EEFSEC: variants seen among roughly 807,000 people sequenced by gnomAD.
EEFSEC encodes selenocysteine-specific elongation factor.
A neutral mutation model predicts 42.1 loss-of-function variants in EEFSEC; 43 were observed. The ratio of observed to expected loss-of-function variants is 1.02; its 90% confidence interval spans 0.80 to 1.32. The LOEUF (loss-of-function observed/expected upper bound fraction) is 1.32, where lower values mean the gene tolerates loss of function less well. Among genes scored for constraint, EEFSEC ranks in the 40% most tolerant of loss-of-function variants. The pLI, the probability that EEFSEC is intolerant of heterozygous loss-of-function variation, is 0.00. For synonymous variants in EEFSEC, 354 were observed against 339.1 expected, an observed-to-expected ratio of 1.04 and a Z score of -0.48; for missense variants, 745 against 803.6, an observed-to-expected ratio of 0.93 and a Z score of 0.88.
intron 1 of EEFSEC, among the ~76,000 whole-genome samples, chr3:128,172,969 G>A (rs2065314171): frequency 6.6e-6 from 1 of 152,222 alleles, no homozygotes; most frequent in South Asian, 2.1e-4. Context: ...CTATAAGATA[G>A]ATGCCACATA....
At chr3:128,353,909 C>T (rs1482192617) in intron 5 of EEFSEC, among the ~76,000 whole-genome samples, 3 of 152,188 alleles carry the variant, frequency 2.0e-5, no homozygotes, top group East Asian at 1.9e-4. Flanking sequence ...CACTGCCGCT[C>T]ACCTGCTGCT....
chr3:128,186,129 C>T (rs2065462529), intron 1 of EEFSEC, among the ~76,000 whole-genome samples: 1 of 152,170 alleles, frequency 6.6e-6, no homozygotes, highest in Admixed American at 6.5e-5. Context: ...TCATATCCAT[C>T]CTAGTGGGTG....
intron 6 of EEFSEC, among the ~76,000 whole-genome samples, chr3:128,399,135 T>C (rs930142093): frequency 6.6e-6 from 1 of 152,148 alleles, no homozygotes; most frequent in Non-Finnish European, 1.5e-5. Flanking sequence ...ATCCGCATAA[T>C]GCACTGGTGT....
At position 128,307,880 on chromosome 3, in the gene EEFSEC, T is replaced by C. The variant is rs186302712; in HGVS notation, c.787-33353T>C. On this transcript the variant is annotated intron_variant, in intron 4 of 6. Transcript: ENST00000254730. ...GTGCCATTTTCAAGGATGATGAAGA[T>C]GCTTTTGATTGTGCGCTCTCCCTGT... Among the ~76,000 whole-genome samples, 58 of 152,292 alleles carry C rather than the reference T, an allele frequency of 3.8e-4. No homozygotes were observed. In the East Asian group the frequency reaches 0.011, roughly 29 times the overall value.
chr3:128,196,832 AC>A (rs2065589710), intron 1 of EEFSEC, among the ~76,000 whole-genome samples: 1 of 152,122 alleles, frequency 6.6e-6, no homozygotes, highest in African/African-American at 2.4e-5. Flanking sequence ...TTACTGAGAG[AC>A]CTCAAAGAGC....
chr3:128,304,324 C>T (rs192718832), intron 4 of EEFSEC, among the ~76,000 whole-genome samples: 1 of 152,032 alleles, frequency 6.6e-6, no homozygotes, highest in African/African-American at 2.4e-5. Flanking sequence ...TTTCCACTTA[C>T]TTAGAGTTTC....
downstream of EEFSEC, among the ~76,000 whole-genome samples, chr3:128,409,399 G>C (rs899048979): frequency 1.4e-4 from 22 of 152,186 alleles, no homozygotes; most frequent in African/African-American, 5.1e-4. Context: ...GTGTGCACGT[G>C]GTGGGTGGGG....
At chr3:128,402,751 A>G (rs1576707863) in intron 6 of EEFSEC, among the ~76,000 whole-genome samples, 2 of 152,278 alleles carry the variant, frequency 1.3e-5, no homozygotes, top group Admixed American at 1.3e-4. Context: ...CCAGGTTGTC[A>G]CCAGCCAGTG....
At chr3:128,407,429 G>A (rs2068129780) in intron 6 of EEFSEC, among the ~76,000 whole-genome samples, 1 of 152,214 alleles carries the variant, frequency 6.6e-6, no homozygotes, top group Non-Finnish European at 1.5e-5. Flanking sequence ...CTGAGCCGAG[G>A]GGGCACTGTG....
intron 6 of EEFSEC, among the ~76,000 whole-genome samples, chr3:128,388,748 A>G (rs2067872367): frequency 6.6e-6 from 1 of 152,258 alleles, no homozygotes; most frequent in Admixed American, 6.5e-5. Flanking sequence ...AGAGAGGCCA[A>G]CTGCTGCCTC....
At chr3:128,353,635 T>A (rs766127555) in intron 5 of EEFSEC, among the ~76,000 whole-genome samples, 1 of 152,232 alleles carries the variant, frequency 6.6e-6, no homozygotes, top group Non-Finnish European at 1.5e-5. Context: ...ATGGCTCTGG[T>A]GAGCCCAAAG....
intron 6 of EEFSEC, among the ~76,000 whole-genome samples, chr3:128,381,808 G>A (rs993520163): frequency 1.3e-5 from 2 of 152,172 alleles, no homozygotes; most frequent in Admixed American, 6.5e-5. Context: ...GACCTGGCCC[G>A]GGGTTCAGAG....
At chr3:128,383,401 C>CTTTGTGCCAGCCGCTGT (rs1422889250) in intron 6 of EEFSEC, among the ~76,000 whole-genome samples, 2 of 152,238 alleles carry the variant, frequency 1.3e-5, no homozygotes, top group East Asian at 1.9e-4. Context: ...TTAGACCTTG[C>CTTTGTGCCAGCCGCTGT]TTTGTGCCAG....
At chr3:128,262,055 G>T in intron 2 of EEFSEC, 73 bp from the exon 3 acceptor site, 1 of 1,421,430 alleles carries the variant, frequency 7.0e-7, no homozygotes, top group Non-Finnish European at 9.9e-7. Flanking sequence ...ACTGTGCCAG[G>T]TGCTTCATGG....
intron 1 of EEFSEC, among the ~76,000 whole-genome samples, chr3:128,202,422 A>T (rs979488999): frequency 6.6e-6 from 1 of 152,140 alleles, no homozygotes; most frequent in Non-Finnish European, 1.5e-5. Flanking sequence ...ATGTATTTTG[A>T]TGCTATCATA....
chr3:128,195,586 G>A (rs914364415), intron 1 of EEFSEC, among the ~76,000 whole-genome samples: 2 of 152,164 alleles, frequency 1.3e-5, no homozygotes, highest in Non-Finnish European at 2.9e-5. Flanking sequence ...GGGAATCCAG[G>A]CTCTGCGAAC....
intron 1 of EEFSEC, among the ~76,000 whole-genome samples, chr3:128,229,814 G>T (rs2065942117): frequency 6.6e-6 from 1 of 152,086 alleles, no homozygotes; most frequent in Admixed American, 6.5e-5. Flanking sequence ...TTCCTGTCTG[G>T]CCATGGTGTA....
At chr3:128,387,586 T>C (rs1412030857) in intron 6 of EEFSEC, among the ~76,000 whole-genome samples, 1 of 152,112 alleles carries the variant, frequency 6.6e-6, no homozygotes, top group Non-Finnish European at 1.5e-5. Flanking sequence ...AGTCGGCTGC[T>C]GGCCTCTCCT....
chr3:128,248,098 A>C (rs1429567132), intron 2 of EEFSEC, among the ~76,000 whole-genome samples: 2 of 152,196 alleles, frequency 1.3e-5, no homozygotes, highest in Non-Finnish European at 2.9e-5. Flanking sequence ...CAAGAAAATG[A>C]GAAAATGTCC....
Sources: allele counts gnomAD v4.1 joint callset (sites outside exome capture counted in the v4.1 genomes callset), GRCh38; gene constraint gnomAD v4.1.1; transcripts MANE v1.5; gene names NCBI Gene and HGNC (gene_info 2026-07-23, HGNC 2026-07-21).